STAP1: variants seen among roughly 807,000 people sequenced by gnomAD.
The protein encoded by STAP1 is signal-transducing adaptor protein 1.
Under a neutral mutation model 37.8 loss-of-function variants are expected in STAP1, and 30 were observed. The observed-to-expected ratio is 0.79, with a 90% CI of 0.59 to 1.08. STAP1 has a LOEUF of 1.08. STAP1 is among the 50% of genes least tolerant of loss of function. The pLI, the probability that STAP1 is intolerant of heterozygous loss-of-function variation, is 0.00. For synonymous variants in STAP1, 130 were observed against 116.0 expected (o/e 1.12, Z -0.78); for missense variants, 357 against 349.4 (o/e 1.02, Z -0.17).
At chr4:67,566,889 G>T (rs1393185676) in intron 1 of STAP1, among the ~76,000 whole-genome samples, 2 of 152,074 alleles carry the variant, frequency 1.3e-5, no homozygotes, top group Non-Finnish European at 2.9e-5. Context: ...AGAATTTCTT[G>T]AACCCAGAGG....
chr4:67,567,825 C>A (rs1727505264), intron 1 of STAP1, among the ~76,000 whole-genome samples: 1 of 152,172 alleles, frequency 6.6e-6, no homozygotes, highest in Admixed American at 6.5e-5. Context: ...CCAGCTAAGA[C>A]CCTAGACAAG....
Position 67,580,831 on chromosome 4 carries a change from C to A in STAP1, c.364-474C>A, listed in dbSNP as rs116500612. Among the ~76,000 whole-genome samples the A allele has an allele frequency of 2.5e-3, 387 of 152,324 alleles. 3 individuals are homozygous for A. The highest frequency in any genetic ancestry group is 8.4e-3 in the African/African-American group (348 of 41,560). ...ACACACCACAGACGCAAAATTTCGACCTCTGACTGCTGCTCTTCAGTCACC... is the reference window on the plus strand; with the variant it reads ...ACACACCACAGACGCAAAATTTCGAACTCTGACTGCTGCTCTTCAGTCACC... On this transcript the variant is annotated intron_variant, in intron 4 of 8. Coordinates refer to ENST00000265404, the MANE Select transcript of STAP1 (RefSeq NM_012108.4).
chr4:67,570,577 G>A (rs1391119941), intron 1 of STAP1, among the ~76,000 whole-genome samples: 4 of 152,048 alleles, frequency 2.6e-5, no homozygotes, highest in Non-Finnish European at 5.9e-5. Flanking sequence ...TGGGAGGATT[G>A]CTTGAGCCCA....
chr4:67,588,331 G>A (rs1728035945), intron 6 of STAP1, among the ~76,000 whole-genome samples: 1 of 151,382 alleles, frequency 6.6e-6, no homozygotes, highest in Non-Finnish European at 1.5e-5. Flanking sequence ...TCCTCCCACA[G>A]CTTTGCCATA....
At chr4:67,606,050 C>A (rs1728442834) in intron 8 of STAP1, among the ~76,000 whole-genome samples, 1 of 151,718 alleles carries the variant, frequency 6.6e-6, no homozygotes, top group African/African-American at 2.4e-5. Flanking sequence ...CTAAAAGCCG[C>A]TTCAAAATAT....
chr4:67,591,061 T>C, intron 7 of STAP1, 108 bp downstream of exon 7: 2 of 598,562 alleles, frequency 3.3e-6, no homozygotes, highest in Admixed American at 6.7e-5. Flanking sequence ...GTGGCAGATA[T>C]ACAAGGTGAA....
chr4:67,597,543 A>G (rs1728252613), intron 8 of STAP1, among the ~76,000 whole-genome samples: 1 of 152,216 alleles, frequency 6.6e-6, no homozygotes, highest in South Asian at 2.1e-4. Flanking sequence ...ATGTGTCTGG[A>G]AATGCCACAG....
intron 7 of STAP1, among the ~76,000 whole-genome samples, chr4:67,592,319 T>A (rs1478684131): frequency 6.6e-6 from 1 of 152,106 alleles, no homozygotes; most frequent in African/African-American, 2.4e-5. Flanking sequence ...CTCTTCAAGG[T>A]TATCTGGTAT....
intron 5 of STAP1, among the ~76,000 whole-genome samples, chr4:67,582,811 A>G (rs1727893919): frequency 6.6e-6 from 1 of 152,180 alleles, no homozygotes; most frequent in Non-Finnish European, 1.5e-5. Context: ...CACTTTCAGT[A>G]TTCAATGCAT....
At chr4:67,583,724 G>A in intron 6 of STAP1, 22 bp downstream of exon 6, 1 of 1,602,906 alleles carries the variant, frequency 6.2e-7, no homozygotes. Flanking sequence ...TTTTTTAAAT[G>A]TATGGAATTT....
chr4:67,588,917 G>GT (rs1728059957), intron 6 of STAP1, among the ~76,000 whole-genome samples: 1 of 152,106 alleles, frequency 6.6e-6, no homozygotes, highest in Non-Finnish European at 1.5e-5. Flanking sequence ...AGTAAAAATG[G>GT]TTATAATTTA....
intron 8 of STAP1, among the ~76,000 whole-genome samples, chr4:67,605,816 C>T (rs1489842640): frequency 1.3e-5 from 2 of 152,160 alleles, no homozygotes; most frequent in African/African-American, 2.4e-5. Flanking sequence ...ACTGCTAGTA[C>T]ATCAAACTTG....
At chr4:67,565,933 G>GC (rs1727456470) in intron 1 of STAP1, among the ~76,000 whole-genome samples, 1 of 102,902 alleles carries the variant, frequency 9.7e-6, no homozygotes, top group Non-Finnish European at 2.0e-5. Flanking sequence ...CAACCCAACT[G>GC]CTTTTTTTTT....
intron 1 of STAP1, among the ~76,000 whole-genome samples, chr4:67,559,439 A>G (rs1023710248): frequency 2.0e-5 from 3 of 152,108 alleles, no homozygotes; most frequent in Non-Finnish European, 4.4e-5. Context: ...TTAACATTAT[A>G]TATAGTTATG....
rs1171195502 is a variant in STAP1, at chr4:67,581,424, G to C, written c.483G>C (p.Glu161Asp). 6.2e-7 allele frequency: 1 copy of C among 1,613,790 alleles called. No individual in the cohort carries two copies. The highest frequency in any genetic ancestry group is 2.2e-5 in the East Asian group (1 of 44,884). The change falls in exon 5 of 9, where the codon GAG becomes GAC. Residue 161 changes from glutamate (E) to aspartate (D), a missense_variant. Coordinates refer to ENST00000265404, the MANE Select transcript of STAP1 (RefSeq NM_012108.4). ...AGCAGAGTACGTCCGTGGAAAAAGA[G>C]AAGGAACCAACTGAAGATTATGTGG... ...ETEQSTSVEK[E>D]KEPTEDYVDV...
intron 7 of STAP1, among the ~76,000 whole-genome samples, chr4:67,592,943 C>T (rs1728151464): frequency 6.6e-6 from 1 of 152,148 alleles, no homozygotes; most frequent in Non-Finnish European, 1.5e-5. Context: ...CTGGACTTCC[C>T]AAAGTGCTGG....
intron 7 of STAP1, among the ~76,000 whole-genome samples, chr4:67,591,978 T>A (rs1326783948): frequency 6.6e-6 from 1 of 152,176 alleles, no homozygotes; most frequent in East Asian, 1.9e-4. Context: ...TAATGTGTCA[T>A]CTTTGTAACT....
intron 2 of STAP1, among the ~76,000 whole-genome samples, chr4:67,571,835 G>A (rs1039093545): frequency 1.4e-4 from 22 of 152,070 alleles, no homozygotes; most frequent in Admixed American, 2.0e-4. Flanking sequence ...CTAATAATTA[G>A]AACATCATTA....
chr4:67,596,683 A>T (rs1001555605), intron 8 of STAP1, among the ~76,000 whole-genome samples: 44 of 152,198 alleles, frequency 2.9e-4, no homozygotes, highest in Non-Finnish European at 5.3e-4. Context: ...TAGCAAAGAG[A>T]CTTGTGGCAT....
Sources: allele counts gnomAD v4.1 joint callset (sites outside exome capture counted in the v4.1 genomes callset), GRCh38; gene constraint gnomAD v4.1.1; transcripts MANE v1.5; gene names NCBI Gene and HGNC (gene_info 2026-07-23, HGNC 2026-07-21).